PLK5: variants seen among roughly 807,000 people sequenced by gnomAD.
PLK5 encodes inactive serine/threonine-protein kinase PLK5.
Under a neutral mutation model 33.7 loss-of-function variants are expected in PLK5, and 28 were observed. The ratio of observed to expected loss-of-function variants is 0.83; its 90% CI spans 0.62 to 1.14. The LOEUF (loss-of-function observed/expected upper bound fraction) is 1.14, where lower values mean the gene tolerates loss of function less well. PLK5 is among the 50% of genes most tolerant of loss of function. The probability of loss-of-function intolerance (pLI) is 0.00; values close to 1 mark genes in which losing one functional copy is unlikely to be tolerated. For synonymous variants in PLK5, 225 were observed against 202.2 expected, an observed-to-expected ratio of 1.11 and a Z score of -0.96; for missense variants, 492 against 461.5, an observed-to-expected ratio of 1.07 and a Z score of -0.61.
intron 5 of PLK5, 34 bp from the exon 6 acceptor site, chr19:1,526,869 A>G (rs1913756189): frequency 3.3e-6 from 4 of 1,201,228 alleles, no homozygotes; most frequent in South Asian, 2.6e-5. Context: ...CGGGGATCCC[A>G]GCCTTCCTGA....
At chr19:1,532,648 A>C (rs998169598) in intron 12 of PLK5, among the ~76,000 whole-genome samples, 1 of 150,802 alleles carries the variant, frequency 6.6e-6, no homozygotes, top group African/African-American at 2.4e-5. Context: ...TCAGCCTCCT[A>C]AGTAGCTGGG....
chr19:1,533,962 C>G lies in PLK5; in HGVS notation c.746C>G (p.Ala249Gly). ...EGTLPTPVPP[A>G]GPGLCLLRFL... ...ACCCTCCCCACACCTGTGCCACCTG[C>G]TGGACCCGGCCTCTGCCTCCTGCGC... Residue 249 changes from alanine to glycine, a missense_variant, in exon 13 of 14, where the codon GCT (alanine) becomes GGT (glycine). Transcript: ENST00000454744. 1 of 1,534,760 alleles carries G rather than the reference C, an allele frequency of 6.5e-7. No homozygotes were observed. Among genetic ancestry groups the G allele is most frequent in the African/African-American group, 1.4e-5 (1 of 73,110 alleles).
At chr19:1,527,221 G>A (rs1913768404) in intron 6 of PLK5, among the ~76,000 whole-genome samples, 1 of 152,108 alleles carries the variant, frequency 6.6e-6, no homozygotes, top group Non-Finnish European at 1.5e-5. Flanking sequence ...TGGGCAGGTG[G>A]CAGTGGCACA....
chr19:1,529,402 T>A lies in PLK5; in HGVS notation c.406-4T>A. Reference sequence around the variant, plus strand: ...CACCCCCACCCCTGCTGCTCCCACCTCAGAGCTCCCTGTCTGCGAAAGAGG... The same window carrying A: ...CACCCCCACCCCTGCTGCTCCCACCACAGAGCTCCCTGTCTGCGAAAGAGG... On this transcript the variant is annotated splice_polypyrimidine_tract_variant and splice_region_variant and intron_variant, in intron 9 of 13. Coordinates refer to ENST00000454744, the MANE Select transcript of PLK5 (RefSeq NM_001243079.2). The A allele has an allele frequency of 1.3e-6, 2 of 1,535,502 alleles. No individual in the cohort carries two copies. Among genetic ancestry groups the A allele is most frequent in the Non-Finnish European group, 1.7e-6 (2 of 1,146,664 alleles).
Position 1,526,592 on chromosome 19 carries a change from T to C in PLK5, c.-206T>C, listed in dbSNP as rs371572243. On this transcript the variant is annotated 5_prime_UTR_variant, in exon 4 of 14. Coordinates refer to ENST00000454744, the MANE Select transcript of PLK5 (RefSeq NM_001243079.2). ...CTGCGCTACCTGCACCAGCGGTGCA[T>C]CCTGCACCGCGACCTGAAGCTCAGT... is the stretch of plus-strand genomic sequence containing the variant. 1 of 334,920 alleles carries C rather than the reference T, an allele frequency of 3.0e-6. No individual in the cohort carries two copies. The highest frequency in any genetic ancestry group is 8.8e-5 in the East Asian group (1 of 11,414). 20.7% of individuals were successfully genotyped at this position (334,920 alleles called of 1,614,324 possible). A position where few individuals can be genotyped will look rare whatever the true frequency, so the allele number is the denominator to read the frequency against.
chr19:1,533,782 C>T (rs1183047162), intron 12 of PLK5, 149 bp from the exon 13 acceptor site: 2 of 650,178 alleles, frequency 3.1e-6, no homozygotes, highest in Non-Finnish European at 5.4e-6. Flanking sequence ...ATGTGCCCGG[C>T]CTGCTGGGCG....
chr19:1,533,178 T>G (rs533721725), intron 12 of PLK5, among the ~76,000 whole-genome samples: 102 of 151,770 alleles, frequency 6.7e-4, no homozygotes, highest in African/African-American at 2.5e-3. Flanking sequence ...CAGGCTGGAG[T>G]GCAATCTCGG....
At chr19:1,525,821 C>G (rs1913724818) in intron 3 of PLK5, 110 bp downstream of exon 3, 1 of 152,826 alleles carries the variant, frequency 6.5e-6, no homozygotes. Context: ...TGTGTGCCCT[C>G]TGCTGTCCAT....
At chr19:1,534,963 G>A (rs921094952) in intron 13 of PLK5, 102 bp from the exon 14 acceptor site, 2 of 1,133,132 alleles carry the variant, frequency 1.8e-6, no homozygotes, top group African/African-American at 1.6e-5. Context: ...GGCCAGACTG[G>A]GGGCTCTGGG....
rs534335158 is a variant in PLK5 at position 1,530,078 on chromosome 19, G to T, written c.568+254G>T. Among the ~76,000 whole-genome samples the T allele has an allele frequency of 3.9e-5, 6 of 152,178 alleles. No homozygotes were observed. In the South Asian group the frequency reaches 1.2e-3, roughly 32 times the overall value. On this transcript the variant is annotated intron_variant, in intron 11 of 13. Coordinates refer to ENST00000454744, the MANE Select transcript of PLK5 (RefSeq NM_001243079.2). ...CCCGGGCTCGTTAGAGACCCAGTGA[G>T]TGAGGAAACGTGACCTGGGACGTTG...
intron 12 of PLK5, among the ~76,000 whole-genome samples, chr19:1,533,507 G>T (rs1913993769): frequency 6.6e-6 from 1 of 152,110 alleles, no homozygotes; most frequent in African/African-American, 2.4e-5. Flanking sequence ...GGATGAGAGG[G>T]GCTGCAGTGT....
chr19:1,525,602 G>C lies in PLK5; in HGVS notation c.-422G>C, dbSNP rs1032118278. On this transcript the variant is annotated 5_prime_UTR_variant, in exon 3 of 14. Coordinates refer to ENST00000454744, the MANE Select transcript of PLK5 (RefSeq NM_001243079.2). ...TCGGGGCCGTGCCTGCAGGTGGAGC[G>C]TGAGATTGCCCTGCATAGCCGCCTG... 1.3e-5 allele frequency: 2 copies of C among 152,640 alleles called. No individual in the cohort carries two copies. Among genetic ancestry groups the C allele is most frequent in the Non-Finnish European group, 2.9e-5 (2 of 68,056 alleles). 9.5% of individuals were successfully genotyped at this position (152,640 alleles called of 1,614,324 possible).
rs1422686519 is a variant in PLK5, at chr19:1,531,722, CTTTG to C, written c.569-10_569-7del. On this transcript the variant is annotated splice_polypyrimidine_tract_variant and intron_variant, in intron 11 of 13. Transcript: ENST00000454744. ...ACCCCTGACCCCTGGCTCAGCATACCTTTGTTTGTGCCCAGCCACACAGGACCCC... is the reference window on the plus strand; with the variant it reads ...ACCCCTGACCCCTGGCTCAGCATACCTTTGTGCCCAGCCACACAGGACCCC... The C allele has an allele frequency of 5.9e-6, 9 of 1,536,716 alleles. No homozygotes were observed. The highest frequency in any genetic ancestry group is 7.0e-6 in the Non-Finnish European group (8 of 1,147,234).
chr19:1,534,950 A>G, intron 13 of PLK5, 115 bp from the exon 14 acceptor site: 1 of 987,392 alleles, frequency 1.0e-6, no homozygotes, highest in East Asian at 2.9e-5. Flanking sequence ...GGCAGGCACT[A>G]GGGGCCAGAC....
At position 1,524,553 on chromosome 19, in the gene PLK5, C is replaced by T; in HGVS notation, c.-544+307C>T. 6.6e-6 allele frequency among the ~76,000 whole-genome samples: 1 copy of T among 151,710 alleles called. No individual in the cohort carries two copies. The highest frequency in any genetic ancestry group is 1.9e-4 in the East Asian group (1 of 5,168). ...GAGCCTGGCGAGGGTCTGAGTGTGC[C>T]GCGTCTGTGCCCGCTGCTTCCAAGT... is the stretch of plus-strand genomic sequence containing the variant. On this transcript the variant is annotated intron_variant, in intron 1 of 13. Transcript: ENST00000454744. This position sits in a 1 kb window ranked among gnomAD's most constrained non-coding sequence, Gnocchi z 4.5.
In PLK5 at chr19:1,534,506, C is replaced by CA. The variant is rs34568711; in HGVS notation, c.825+482dup. On this transcript the variant is annotated intron_variant, in intron 13 of 13. Coordinates refer to ENST00000454744, the MANE Select transcript of PLK5 (RefSeq NM_001243079.2). ...TGGGCGACAGAGCAAGACTTCGTCT[C>CA]AAAAAAAAAAAAAAAAAGGCCGGGC... Among the ~76,000 whole-genome samples the CA allele has an allele frequency of 3.3e-3, 283 of 86,636 alleles. 2 individuals carry two copies. The highest frequency in any genetic ancestry group is 8.4e-3 in the South Asian group (18 of 2,132). The allele number at this position is 86,636 out of a possible 152,430, so 56.8% of individuals were successfully genotyped here. A position where few individuals can be genotyped will look rare whatever the true frequency, so the allele number is the denominator to read the frequency against.
At position 1,527,931 on chromosome 19, in the gene PLK5, C is replaced by G; in HGVS notation, c.3-5C>G. ...ACCCAGGTTCTTGCCCCCCACCTGG[C>G]CCAGGTACACGGTGCTGACTGGCAC... On this transcript the variant is annotated splice_region_variant and splice_polypyrimidine_tract_variant and intron_variant, in intron 6 of 13. Coordinates refer to ENST00000454744, the MANE Select transcript of PLK5 (RefSeq NM_001243079.2). 1 of 1,532,004 alleles carries G rather than the reference C, an allele frequency of 6.5e-7. No individual in the cohort carries two copies. Among genetic ancestry groups the G allele is most frequent in the East Asian group, 2.5e-5 (1 of 40,816 alleles). 94.9% of individuals were successfully genotyped at this position (1,532,004 alleles called of 1,614,324 possible). A position where few individuals can be genotyped will look rare whatever the true frequency, so the allele number is the denominator to read the frequency against.
chr19:1,529,285 G>A, intron 9 of PLK5, 121 bp from the exon 10 acceptor site: 1 of 858,466 alleles, frequency 1.2e-6, no homozygotes, highest in Non-Finnish European at 1.8e-6. Flanking sequence ...CAAGGGGAAA[G>A]CAGTGCCTCT....
intron 12 of PLK5, among the ~76,000 whole-genome samples, chr19:1,532,899 C>A (rs1913974030): frequency 6.6e-6 from 1 of 151,962 alleles, no homozygotes; most frequent in Non-Finnish European, 1.5e-5. Context: ...ATCTCCTGAC[C>A]TCGTGATCTG....
Sources: allele counts gnomAD v4.1 joint callset (sites outside exome capture counted in the v4.1 genomes callset), GRCh38; gene constraint gnomAD v4.1.1; non-coding constraint Gnocchi (gnomAD v3.1); transcripts MANE v1.5; gene names NCBI Gene and HGNC (gene_info 2026-07-23, HGNC 2026-07-21).